PATL1: variants seen among roughly 807,000 people sequenced by gnomAD.
The protein encoded by PATL1 is PAT1 homolog 1, processing body mRNA decay factor.
PATL1 carries 32 observed loss-of-function variants against 100.6 expected under a neutral mutation model. The observed-to-expected ratio is 0.32, with a 90% confidence interval of 0.24 to 0.43. The LOEUF (loss-of-function observed/expected upper bound fraction) is 0.43. PATL1 is among the 20% of genes least tolerant of loss of function. The pLI is 1.00. For synonymous variants in PATL1, 332 were observed against 330.0 expected (o/e 1.01, Z -0.07); for missense variants, 747 against 949.9 (o/e 0.79, Z 2.81).
At chr11:59,659,195 A>G in intron 3 of PATL1, 57 bp downstream of exon 3, 1 of 1,434,438 alleles carries the variant, frequency 7.0e-7, no homozygotes, top group Non-Finnish European at 9.6e-7. Context: ...GCAAAGTTCA[A>G]TACTTCACTT....
rs750148951 is a variant in PATL1 at position 59,652,545 on chromosome 11, T to C, written c.1345A>G (p.Ile449Val). 6.2e-7 allele frequency: 1 copy of C among 1,613,928 alleles called. No homozygotes were observed. The highest frequency in any genetic ancestry group is 1.7e-5 in the Admixed American group (1 of 59,994). The change falls in exon 11 of 19, where the codon ATA becomes GTA. Residue 449 changes from isoleucine (I) to valine (V), a missense_variant. Around this residue, in one of 4 missense-constraint regions of PATL1, gnomAD observed 434 missense variants for 596.1 expected, o/e 0.73. Coordinates refer to ENST00000300146, the MANE Select transcript of PATL1 (RefSeq NM_152716.3). ...KLEKLSAAEE[I>V]QGDGPKKERT... The stretch of plus-strand genomic sequence containing the variant: ...TCCTTCTTAGGGCCATCACCTTGTA[T>C]TTCTTCAGCAGCTGACAGTTTCTCC...
In PATL1 at chr11:59,668,756, T is replaced by G. The variant is rs763277132; in HGVS notation, c.15+125A>C. The G allele has an allele frequency of 5.2e-4, 270 of 521,230 alleles. 1 individual carries two copies. The highest frequency in any genetic ancestry group is 7.8e-4 in the Non-Finnish European group (220 of 283,452). The allele number at this position is 521,230 out of a possible 1,614,324, so 32.3% of individuals were successfully genotyped here. A position where few individuals can be genotyped will look rare whatever the true frequency, so the allele number is the denominator to read the frequency against. Reference sequence around the variant, plus strand: ...CGACCCCAGACCAGTCGCGTCCAGCTAAGTCCTGCGACTCCCCCAGCCCGC... The same window carrying G: ...CGACCCCAGACCAGTCGCGTCCAGCGAAGTCCTGCGACTCCCCCAGCCCGC... On this transcript the variant is annotated intron_variant, in intron 1 of 18. Coordinates refer to ENST00000300146, the MANE Select transcript of PATL1 (RefSeq NM_152716.3).
intron 1 of PATL1, 27 bp downstream of exon 1, chr11:59,668,854 G>T: frequency 7.6e-7 from 1 of 1,319,048 alleles, no homozygotes; most frequent in Non-Finnish European, 1.0e-6. Flanking sequence ...AGGGAGGGAG[G>T]GGTCACTTCC....
intron 8 of PATL1, among the ~76,000 whole-genome samples, chr11:59,654,421 G>A (rs1465069928): frequency 6.7e-6 from 1 of 150,056 alleles, no homozygotes; most frequent in African/African-American, 2.5e-5. Context: ...AGGTTGCAGT[G>A]AGCCGAGATC....
At chr11:59,655,852 G>A in intron 7 of PATL1, 104 bp downstream of exon 7, 1 of 1,379,600 alleles carries the variant, frequency 7.2e-7, no homozygotes, top group Non-Finnish European at 1.0e-6. Context: ...AAAAGTAAAG[G>A]CAAAAATAAA....
intron 17 of PATL1, 39 bp from the exon 18 acceptor site, chr11:59,639,236 A>C: frequency 1.9e-6 from 3 of 1,598,194 alleles, no homozygotes; most frequent in Non-Finnish European, 2.6e-6. Flanking sequence ...GGAGAAAAAA[A>C]TTTAAAAGAT....
chr11:59,646,838 A>G (rs1861371680), intron 15 of PATL1, among the ~76,000 whole-genome samples: 1 of 152,158 alleles, frequency 6.6e-6, no homozygotes, highest in African/African-American at 2.4e-5. Flanking sequence ...GGATAAGGAG[A>G]GAAAAACTCT....
intron 14 of PATL1, among the ~76,000 whole-genome samples, chr11:59,649,101 A>T (rs913916876): frequency 2.0e-5 from 3 of 152,246 alleles, no homozygotes; most frequent in Admixed American, 2.0e-4. Flanking sequence ...TCTTAGTAAT[A>T]AAGGAAATAT....
At chr11:59,661,945 A>T (rs544157628) in intron 2 of PATL1, among the ~76,000 whole-genome samples, 1 of 152,352 alleles carries the variant, frequency 6.6e-6, no homozygotes, top group African/African-American at 2.4e-5. Context: ...ACAATTTTCC[A>T]ATATAATAAT....
rs371941037 is a variant in PATL1 at position 59,652,887 on chromosome 11, A to G, written c.1253T>C (p.Met418Thr). The G allele has an allele frequency of 2.5e-6, 4 of 1,613,848 alleles. No homozygotes were observed. In the African/African-American group the frequency reaches 5.3e-5, roughly 22 times the overall value. The part of the protein sequence containing the change: ...REKDWVSKIQ[M>T]MQLQSTDPYL... Reference sequence around the variant, plus strand: ...GGGATCAGTGCTTTGCAGTTGCATCATCTGGATTTTAGAGACCCAATCCTT... The same window carrying G: ...GGGATCAGTGCTTTGCAGTTGCATCGTCTGGATTTTAGAGACCCAATCCTT... The change falls in exon 10 of 19, where the codon ATG (methionine) becomes ACG (threonine). Residue 418 changes from methionine (M) to threonine (T), a missense_variant. This residue lies in a region of PATL1 where 434 missense variants were observed against 596.1 expected (regional missense o/e 0.73). Transcript: ENST00000300146.
chr11:59,650,684 G>T, intron 13 of PATL1, 70 bp downstream of exon 13: 1 of 1,094,340 alleles, frequency 9.1e-7, no homozygotes. Context: ...CACTGTTTCA[G>T]TTCTAGTATA....
chr11:59,665,410 T>G (rs1386768723), intron 2 of PATL1, among the ~76,000 whole-genome samples: 1 of 152,214 alleles, frequency 6.6e-6, no homozygotes, highest in Non-Finnish European at 1.5e-5. Flanking sequence ...TCACACACAT[T>G]TATACATTTG....
At position 59,650,646 on chromosome 11, in the gene PATL1, TAA is replaced by T. The variant is rs578216527; in HGVS notation, c.1584+106_1584+107del. On this transcript the variant is annotated intron_variant, in intron 13 of 18. Transcript: ENST00000300146. ...ACTTACCAGCAATATATTCATGAAT[TAA>T]AACCAAAGAACATTGACTGATTGCT... 510 of 769,986 alleles carry T rather than the reference TAA, an allele frequency of 6.6e-4. 2 individuals carry two copies. Among genetic ancestry groups the T allele is most frequent in the Admixed American group, 1.4e-3 (45 of 32,482 alleles). The allele number at this position is 769,986 out of a possible 1,614,324, so 47.7% of individuals were successfully genotyped here. A position where few individuals can be genotyped will look rare whatever the true frequency, so the allele number is the denominator to read the frequency against.
intron 15 of PATL1, 97 bp downstream of exon 15, chr11:59,647,647 TTAGACAAAAA>T: frequency 8.3e-7 from 1 of 1,207,434 alleles, no homozygotes. Flanking sequence ...CAGCCAAAGA[TTAGACAAAAA>T]TACAAAAGGG....
rs1861554905 is a variant in PATL1, at chr11:59,657,650, G to A, written c.501C>T (p.Asp167=). The part of the protein sequence containing the change: ...RPPQGPEDDR[D]LSERALPRRS... The stretch of plus-strand genomic sequence containing the variant: ...GCCTTGGTAATGCTCGTTCAGAAAG[G>A]TCCCGATCATCTTCTGGACCCTGGG... The change falls in exon 5 of 19, where the codon GAC becomes GAT. Residue 167 remains aspartate, a synonymous_variant. Coordinates refer to ENST00000300146, the MANE Select transcript of PATL1 (RefSeq NM_152716.3). The A allele has an allele frequency of 6.2e-7, 1 of 1,613,656 alleles. No individual in the cohort carries two copies.
chr11:59,645,527 A>T (rs973240319), intron 15 of PATL1, among the ~76,000 whole-genome samples: 1 of 151,764 alleles, frequency 6.6e-6, no homozygotes, highest in African/African-American at 2.4e-5. Flanking sequence ...TTCTTCTACA[A>T]AGAACTTTGT....
intron 10 of PATL1, 33 bp downstream of exon 10, chr11:59,652,805 C>T (rs1409073562): frequency 1.2e-6 from 2 of 1,602,306 alleles, no homozygotes; most frequent in Non-Finnish European, 8.5e-7. Context: ...GGGGACCAAA[C>T]TATTATCCTC....
intron 1 of PATL1, among the ~76,000 whole-genome samples, chr11:59,668,629 C>T (rs534735214): frequency 1.7e-4 from 26 of 152,142 alleles, no homozygotes; most frequent in Non-Finnish European, 3.4e-4. Context: ...CAGCACTTAA[C>T]GGGCCCTCCC....
chr11:59,659,414 T>G lies in PATL1; in HGVS notation c.183A>C (p.Pro61=). 1 of 1,551,446 alleles carries G rather than the reference T, an allele frequency of 6.4e-7. No individual in the cohort carries two copies. The highest frequency in any genetic ancestry group is 2.4e-5 in the East Asian group (1 of 40,932). ...TGCCTGTTTGTTCATTAACTGCCAC[T>G]GGTAGCTTTTCTTCCAATTCAGCCA... ...ERLAELEEKL[P]VAVNEQTGNG... The change falls in exon 3 of 19, where the codon CCA becomes CCC. Residue 61 remains proline (P), a synonymous_variant. Transcript: ENST00000300146.
Sources: allele counts gnomAD v4.1 joint callset (sites outside exome capture counted in the v4.1 genomes callset), GRCh38; gene constraint gnomAD v4.1.1; regional missense constraint gnomAD v4.1.1; transcripts MANE v1.5; gene names NCBI Gene and HGNC (gene_info 2026-07-23, HGNC 2026-07-21).